ZNF236: variants seen among roughly 807,000 people sequenced by gnomAD.
The protein encoded by ZNF236 is regulated by glucose.
Under a neutral mutation model 191.2 loss-of-function variants are expected in ZNF236, and 50 were observed. The ratio of observed to expected loss-of-function variants is 0.26; its 90% CI spans 0.21 to 0.33. ZNF236 has a LOEUF of 0.33. Among genes scored for constraint, ZNF236 ranks in the 10% least tolerant of loss-of-function variants. The pLI is 1.00. For missense variants in ZNF236, 1,754 were observed against 2,374.5 expected (o/e 0.74, Z 5.43); for synonymous variants, 907 against 928.8 (o/e 0.98, Z 0.43).
chr18:76,955,023 A>C (rs377144624), intron 27 of ZNF236, among the ~76,000 whole-genome samples: 28 of 152,360 alleles, frequency 1.8e-4, no homozygotes, highest in African/African-American at 6.7e-4. Context: ...ATTAGGAATA[A>C]TAAAAATGTG....
At chr18:76,892,168 GT>G (rs34870901) in intron 9 of ZNF236, among the ~76,000 whole-genome samples, 7 of 52,774 alleles carry the variant, frequency 1.3e-4, no homozygotes, top group South Asian at 1.2e-3. Flanking sequence ...TTTCTTCTGG[GT>G]TTTTTTTTTT....
chr18:76,832,931 T>C (rs1975215541), intron 1 of ZNF236, among the ~76,000 whole-genome samples: 1 of 152,194 alleles, frequency 6.6e-6, no homozygotes, highest in Non-Finnish European at 1.5e-5. Context: ...ACAGGACTTA[T>C]ACAAATATTG....
intron 13 of ZNF236, among the ~76,000 whole-genome samples, chr18:76,907,015 C>T (rs1000241869): frequency 1.3e-5 from 2 of 152,198 alleles, no homozygotes; most frequent in Non-Finnish European, 2.9e-5. Flanking sequence ...CATCAGTTAG[C>T]GTGAGACACA....
chr18:76,967,878 A>G (rs1968823638), intron 30 of ZNF236, among the ~76,000 whole-genome samples: 1 of 152,136 alleles, frequency 6.6e-6, no homozygotes, highest in Admixed American at 6.5e-5. Flanking sequence ...TTTTCTCTTT[A>G]ACGTCTACAC....
intron 19 of ZNF236, among the ~76,000 whole-genome samples, chr18:76,916,844 G>A (rs1967379654): frequency 6.6e-6 from 1 of 152,116 alleles, no homozygotes; most frequent in Admixed American, 6.5e-5. Flanking sequence ...TGGAGACAGG[G>A]GTGCTAAATG....
chr18:76,847,982 C>T (rs989868949), intron 1 of ZNF236, among the ~76,000 whole-genome samples: 10 of 152,056 alleles, frequency 6.6e-5, no homozygotes, highest in African/African-American at 2.4e-4. Flanking sequence ...TTCTTGAAGC[C>T]GGAATTTGCC....
chr18:76,900,648 G>A (rs921721133), intron 11 of ZNF236, among the ~76,000 whole-genome samples: 1 of 152,184 alleles, frequency 6.6e-6, no homozygotes, highest in African/African-American at 2.4e-5. Flanking sequence ...CTACACATGT[G>A]AGTATTATGT....
intron 6 of ZNF236, among the ~76,000 whole-genome samples, chr18:76,876,916 C>T (rs530857954): frequency 3.3e-5 from 5 of 152,276 alleles, no homozygotes; most frequent in South Asian, 2.1e-4. Flanking sequence ...GAGAAGTGCT[C>T]TCGGACCTGC....
Position 76,851,880 on chromosome 18 carries a change from A to C in ZNF236, c.304A>C (p.Lys102Gln). ...GEDPTCPVCN[K>Q]KFSRVASLKA... ...AGATCCTACCTGCCCTGTGTGTAACAAGAAATTCTCCAGAGTGGCTAGTCT... is the reference window on the plus strand; with the variant it reads ...AGATCCTACCTGCCCTGTGTGTAACCAGAAATTCTCCAGAGTGGCTAGTCT... The change falls in exon 3 of 31, where the codon AAG (lysine) becomes CAG (glutamine). Residue 102 changes from lysine (K) to glutamine (Q), a missense_variant. Coordinates refer to ENST00000320610, the MANE Select transcript of ZNF236 (RefSeq NM_001306089.2). The C allele has an allele frequency of 6.2e-7, 1 of 1,613,964 alleles. No homozygotes were observed. The highest frequency in any genetic ancestry group is 8.5e-7 in the Non-Finnish European group (1 of 1,179,916).
At chr18:76,953,212 G>C (rs1599423134) in intron 27 of ZNF236, among the ~76,000 whole-genome samples, 1 of 152,172 alleles carries the variant, frequency 6.6e-6, no homozygotes, top group Admixed American at 6.5e-5. Context: ...CTTCCCATAA[G>C]GATCAAGAGA....
In ZNF236 at chr18:76,851,895, G is replaced by T. The variant is rs763767213; in HGVS notation, c.319G>T (p.Val107Leu). The T allele has an allele frequency of 2.5e-6, 4 of 1,613,608 alleles. No homozygotes were observed. Among genetic ancestry groups the T allele is most frequent in the Non-Finnish European group, 3.4e-6 (4 of 1,179,848 alleles). ...CPVCNKKFSR[V>L]ASLKAHIMLH... is the part of the protein sequence containing the mutation. The stretch of plus-strand genomic sequence containing the variant: ...TGTGTGTAACAAGAAATTCTCCAGA[G>T]TGGCTAGTCTCAAAGCGCATATTAT... The change falls in exon 3 of 31, where the codon GTG (valine) becomes TTG (leucine). Residue 107 changes from valine to leucine, a missense_variant. By Grantham distance (32) the Val-to-Leu change is conservative (BLOSUM62 1). Around this residue, in one of 5 missense-constraint regions of ZNF236, gnomAD observed 336 missense variants for 495.1 expected, o/e 0.68. Transcript: ENST00000320610.
At chr18:76,853,616 T>TA (rs1975948096) in intron 3 of ZNF236, among the ~76,000 whole-genome samples, 1 of 152,128 alleles carries the variant, frequency 6.6e-6, no homozygotes, top group Admixed American at 6.6e-5. Flanking sequence ...ATTGGGGAGC[T>TA]GTTGGTCAAA....
intron 26 of ZNF236, among the ~76,000 whole-genome samples, chr18:76,946,649 C>G (rs1968270274): frequency 6.6e-6 from 1 of 152,214 alleles, no homozygotes; most frequent in Admixed American, 6.5e-5. Flanking sequence ...TATAAATTTG[C>G]AGTAGATATT....
intron 5 of ZNF236, among the ~76,000 whole-genome samples, chr18:76,873,220 C>T (rs536115195): frequency 6.6e-6 from 1 of 152,306 alleles, no homozygotes; most frequent in Non-Finnish European, 1.5e-5. Flanking sequence ...AAATCCTTCT[C>T]GTGTTCACTT....
chr18:76,958,388 G>A (rs558193040), intron 28 of ZNF236, among the ~76,000 whole-genome samples: 22 of 152,208 alleles, frequency 1.4e-4, no homozygotes, highest in Non-Finnish European at 2.2e-4. Context: ...TGGCAGCTGC[G>A]TGCACTGTTC....
Position 76,868,666 on chromosome 18 carries a change from G to A in ZNF236, c.364-19G>A, listed in dbSNP as rs374484133. ...TTTTGAAAGGTTTGCTCTGCTCACC[G>A]ATGGGTTTTCTCTTCCAGAATCTCA... On this transcript the variant is annotated intron_variant, in intron 3 of 30. Coordinates refer to ENST00000320610, the MANE Select transcript of ZNF236 (RefSeq NM_001306089.2). The A allele has an allele frequency of 1.1e-5, 18 of 1,578,970 alleles. No homozygotes were observed. The highest frequency in any genetic ancestry group is 2.3e-5 in the East Asian group (1 of 43,918).
intron 13 of ZNF236, among the ~76,000 whole-genome samples, chr18:76,907,678 A>G (rs1383637291): frequency 6.7e-6 from 1 of 148,686 alleles, no homozygotes; most frequent in African/African-American, 2.5e-5. Context: ...TAGTCAGATA[A>G]TTGTGTGAGA....
intron 1 of ZNF236, chr18:76,824,040 A>AT: frequency 2.6e-6 from 1 of 391,090 alleles, no homozygotes. Context: ...ACTGCCGTTG[A>AT]TTTTTATTTA....
chr18:76,870,389 G>T (rs1270143263), intron 4 of ZNF236, among the ~76,000 whole-genome samples: 7 of 152,094 alleles, frequency 4.6e-5, no homozygotes, highest in African/African-American at 1.7e-4. Context: ...TTTAATGCAG[G>T]CATTTTTGAT....
Sources: allele counts gnomAD v4.1 joint callset (sites outside exome capture counted in the v4.1 genomes callset), GRCh38; gene constraint gnomAD v4.1.1; regional missense constraint gnomAD v4.1.1; transcripts MANE v1.5; gene names NCBI Gene and HGNC (gene_info 2026-07-23, HGNC 2026-07-21).